BLM: variants seen among roughly 807,000 people sequenced by gnomAD.
The protein encoded by BLM is recQ-like DNA helicase BLM.
Under a neutral mutation model 135.3 loss-of-function variants are expected in BLM, and 95 were observed. The observed-to-expected ratio is 0.70, with a 90% CI of 0.59 to 0.83. The LOEUF (loss-of-function observed/expected upper bound fraction) is 0.83. Ranked by LOEUF, BLM falls within the 40% of genes least tolerant of loss-of-function variation. BLM has a pLI of 0.00. For missense variants in BLM, 1,518 were observed against 1,663.9 expected, an observed-to-expected ratio of 0.91 and a Z score of 1.53; for synonymous variants, 520 against 589.2, an observed-to-expected ratio of 0.88 and a Z score of 1.70.
At chr15:90,782,445 G>T (rs971715407) in intron 12 of BLM, among the ~76,000 whole-genome samples, 1 of 152,132 alleles carries the variant, frequency 6.6e-6, no homozygotes, top group Admixed American at 6.6e-5. Context: ...GGGCTGCTAT[G>T]ACAGAATACT....
chr15:90,755,645 T>C (rs765022196), intron 5 of BLM, among the ~76,000 whole-genome samples: 24 of 152,170 alleles, frequency 1.6e-4, no homozygotes, highest in Non-Finnish European at 2.5e-4. Flanking sequence ...TCTGGCATTA[T>C]TTCTTTTTAC....
At chr15:90,719,430 C>G (rs1400136428) in intron 1 of BLM, among the ~76,000 whole-genome samples, 3 of 152,094 alleles carry the variant, frequency 2.0e-5, no homozygotes, top group Admixed American at 6.5e-5. Context: ...GGCGAAACTC[C>G]CTCTCTATAG....
chr15:90,802,641 G>A (rs1036824164), intron 17 of BLM, among the ~76,000 whole-genome samples: 2 of 152,134 alleles, frequency 1.3e-5, no homozygotes, highest in Admixed American at 6.5e-5. Context: ...TTAGAAAACT[G>A]ACTGTCAAAA....
At chr15:90,800,725 T>G (rs769461076) in intron 17 of BLM, among the ~76,000 whole-genome samples, 4 of 100,396 alleles carry the variant, frequency 4.0e-5, no homozygotes, top group African/African-American at 6.8e-5. Flanking sequence ...AGAGAGAGAG[T>G]AAGAAAGGAA....
rs367737709 is a variant in BLM, at chr15:90,786,873, A to G, written c.2823+1792A>G. Among the ~76,000 whole-genome samples, 24 of 151,864 alleles carry G rather than the reference A, an allele frequency of 1.6e-4. No individual in the cohort carries two copies. The East Asian group carries it at 4.7e-3, about 30-fold the overall frequency. ...CATGATCCGCCCACCTCAGCCCCCCAAAGTGCTGGGATGACAGGTGTGAGC... is the reference window on the plus strand; with the variant it reads ...CATGATCCGCCCACCTCAGCCCCCCGAAGTGCTGGGATGACAGGTGTGAGC... On this transcript the variant is annotated intron_variant, in intron 14 of 21. Transcript: ENST00000355112.
intron 12 of BLM, among the ~76,000 whole-genome samples, chr15:90,774,495 T>C (rs936576041): frequency 1.2e-4 from 19 of 152,244 alleles, no homozygotes; most frequent in African/African-American, 4.3e-4. Context: ...AACGGCATTT[T>C]AGCAGGCAAA....
intron 3 of BLM, among the ~76,000 whole-genome samples, chr15:90,751,016 G>T (rs1361271065): frequency 6.6e-6 from 1 of 152,164 alleles, no homozygotes; most frequent in South Asian, 2.1e-4. Flanking sequence ...TTTATGGCTT[G>T]TTGCCACCTA....
intron 12 of BLM, among the ~76,000 whole-genome samples, chr15:90,780,728 G>A (rs1896597588): frequency 6.6e-6 from 1 of 152,228 alleles, no homozygotes; most frequent in South Asian, 2.1e-4. Context: ...ATGAAGTGAT[G>A]TGTAGGCATA....
intron 14 of BLM, among the ~76,000 whole-genome samples, chr15:90,785,541 T>A (rs1313821526): frequency 1.4e-5 from 2 of 148,046 alleles, no homozygotes; most frequent in African/African-American, 5.0e-5. Flanking sequence ...TTGTGACTTT[T>A]CTTTTTTTTT....
chr15:90,782,958 G>A (rs1285719200), intron 13 of BLM, 30 bp downstream of exon 13: 4 of 1,523,366 alleles, frequency 2.6e-6, no homozygotes, highest in South Asian at 1.1e-5. Context: ...TAGCTGTCTA[G>A]AAGTAACAAA....
chr15:90,749,465 A>T lies in BLM; in HGVS notation c.197A>T (p.Asn66Ile). The T allele has an allele frequency of 6.2e-7, 1 of 1,612,886 alleles. No individual in the cohort carries two copies. The highest frequency in any genetic ancestry group is 1.1e-5 in the South Asian group (1 of 91,066). The change falls in exon 3 of 22, where the codon AAT (asparagine) becomes ATT (isoleucine). Residue 66 changes from asparagine to isoleucine, a missense_variant. Transcript: ENST00000355112. ...KTPVLRNKDVNVTEDFSFSEP... is the reference protein window; with the variant it reads ...KTPVLRNKDVIVTEDFSFSEP... ...CCTGTATTAAGAAATAAAGATGTTA[A>T]TGTTACCGAAGACTTTTCCTTCAGT...
In BLM at chr15:90,815,031, C is replaced by T; in HGVS notation, c.4077-71C>T. On this transcript the variant is annotated intron_variant, in intron 21 of 21. Coordinates refer to ENST00000355112, the MANE Select transcript of BLM (RefSeq NM_000057.4). This position sits in a 1 kb window ranked among gnomAD's most constrained non-coding sequence, Gnocchi z 4.6. ...AGGGAAGTGGTATTGTAGCTCTGTG[C>T]AGGTTGAGAGGAAGGTCATTCATTT... 1 of 1,412,866 alleles carries T rather than the reference C, an allele frequency of 7.1e-7. No individual in the cohort carries two copies. The highest frequency in any genetic ancestry group is 9.7e-7 in the Non-Finnish European group (1 of 1,035,994). 87.5% of individuals were successfully genotyped at this position (1,412,866 alleles called of 1,614,324 possible).
Position 90,784,932 on chromosome 15 carries a change from A to G in BLM, c.2674A>G (p.Ile892Val), listed in dbSNP as rs764587569. ...TGGTTTCTTGGCAGATGATTCAGGG[A>G]TAATTTACTGCCTCTCCAGGCGAGA... ...IRKHHPYDSGIIYCLSRRECD... is the reference protein window; with the variant it reads ...IRKHHPYDSGVIYCLSRRECD... The change falls in exon 14 of 22, where the codon ATA (isoleucine) becomes GTA (valine). Residue 892 changes from isoleucine (I) to valine (V), a missense_variant. Transcript: ENST00000355112. 6.2e-6 allele frequency: 10 copies of G among 1,613,582 alleles called. No homozygotes were observed. Among genetic ancestry groups the G allele is most frequent in the African/African-American group, 2.7e-5 (2 of 74,904 alleles).
intron 1 of BLM, among the ~76,000 whole-genome samples, chr15:90,742,553 G>A (rs1895392133): frequency 6.6e-6 from 1 of 151,862 alleles, no homozygotes; most frequent in Non-Finnish European, 1.5e-5. Flanking sequence ...CAAAGAAAAG[G>A]CACTCTTTTT....
chr15:90,767,645 G>A (rs1423693636), intron 10 of BLM, among the ~76,000 whole-genome samples: 1 of 152,174 alleles, frequency 6.6e-6, no homozygotes, highest in African/African-American at 2.4e-5. Flanking sequence ...ACTTGATGTC[G>A]ATTCGTCCCA....
At chr15:90,798,595 A>T (rs1481884591) in intron 17 of BLM, among the ~76,000 whole-genome samples, 1 of 152,002 alleles carries the variant, frequency 6.6e-6, no homozygotes, top group African/African-American at 2.4e-5. Context: ...GTGGAATGTA[A>T]CTATTAAAAT....
At position 90,765,834 on chromosome 15, in the gene BLM, TG is replaced by T. The variant is rs554017900; in HGVS notation, c.2193+425del. ...TCTACTTAACTCTTCACAATGTAGT[TG>T]GGGGTGGTGGCTCATGCCTGTAATC... On this transcript the variant is annotated intron_variant, in intron 9 of 21. Transcript: ENST00000355112. Among the ~76,000 whole-genome samples, 88 of 152,298 alleles carry T rather than the reference TG, an allele frequency of 5.8e-4. No individual in the cohort carries two copies. In the Middle Eastern group the frequency reaches 0.01, roughly 18 times the overall value.
At chr15:90,789,854 C>G (rs2532107) in intron 14 of BLM, among the ~76,000 whole-genome samples, 2 of 151,928 alleles carry the variant, frequency 1.3e-5, no homozygotes, top group Non-Finnish European at 2.9e-5. Flanking sequence ...ACATTTTGGT[C>G]TGGGTTAAAT....
At position 90,731,535 on chromosome 15, in the gene BLM, A is replaced by G. The variant is rs372861221; in HGVS notation, c.-5+14095A>G. On this transcript the variant is annotated intron_variant, in intron 1 of 21. Coordinates refer to ENST00000355112, the MANE Select transcript of BLM (RefSeq NM_000057.4). ...TTTGTGGGTAGATTTTTGACCATCA[A>G]TAGGACTTCTTTAATGGTTATAAGG... Among the ~76,000 whole-genome samples, 85 of 152,294 alleles carry G rather than the reference A, an allele frequency of 5.6e-4. 3 individuals carry two copies. The East Asian group carries it at 0.011, about 19-fold the overall frequency.
Sources: allele counts gnomAD v4.1 joint callset (sites outside exome capture counted in the v4.1 genomes callset), GRCh38; gene constraint gnomAD v4.1.1; non-coding constraint Gnocchi (gnomAD v3.1); transcripts MANE v1.5; gene names NCBI Gene and HGNC (gene_info 2026-07-23, HGNC 2026-07-21).